The following KLF12 variants were observed in gnomAD, a reference collection of about 807,000 sequenced individuals.
KLF12 encodes Krueppel-like factor 12.
Under a neutral mutation model 37.8 loss-of-function variants are expected in KLF12, and 9 were observed. The observed-to-expected ratio is 0.24, with a 90% confidence interval of 0.14 to 0.42. The LOEUF (loss-of-function observed/expected upper bound fraction) is 0.42. Among genes scored for constraint, KLF12 ranks in the 10% least tolerant of loss-of-function variants. The pLI, the probability that KLF12 is intolerant of heterozygous loss-of-function variation, is 1.00. For missense variants in KLF12, 411 were observed against 516.0 expected, an observed-to-expected ratio of 0.80 and a Z score of 1.97; for synonymous variants, 208 against 202.1, an observed-to-expected ratio of 1.03 and a Z score of -0.25.
the KLF12 span, among the ~76,000 whole-genome samples, chr13:74,174,313 T>C: frequency 6.6e-6 from 1 of 150,966 alleles, no homozygotes; most frequent in Non-Finnish European, 1.5e-5. Context: ...GTCTTAGTCC[T>C]TTTTTTTTCT....
the KLF12 span, among the ~76,000 whole-genome samples, chr13:74,220,265 G>T: frequency 1.3e-5 from 2 of 151,936 alleles, no homozygotes; most frequent in Non-Finnish European, 2.9e-5. Context: ...TTACTTCATC[G>T]GATTTTCACA....
intron 1 of KLF12, among the ~76,000 whole-genome samples, chr13:74,037,631 A>G (rs1893290114): frequency 6.6e-6 from 1 of 152,142 alleles, no homozygotes. Flanking sequence ...AACTTGATAC[A>G]TTTTCTGGAT....
At chr13:73,942,816 G>A (rs1008605697) in intron 3 of KLF12, among the ~76,000 whole-genome samples, 2 of 152,144 alleles carry the variant, frequency 1.3e-5, no homozygotes, top group Non-Finnish European at 2.9e-5. Context: ...GAGGTGAAAT[G>A]ACATCCTCTA....
intron 3 of KLF12, among the ~76,000 whole-genome samples, chr13:73,890,587 G>T (rs923966647): frequency 1.3e-5 from 2 of 151,970 alleles, no homozygotes; most frequent in East Asian, 3.9e-4. Context: ...TTACTATGTT[G>T]TTAAAGTTTA....
chr13:74,042,685 C>T (rs1893439740), intron 1 of KLF12, among the ~76,000 whole-genome samples: 1 of 151,968 alleles, frequency 6.6e-6, no homozygotes, highest in Non-Finnish European at 1.5e-5. Flanking sequence ...TAAGTATGTC[C>T]AAAAGGGTAA....
chr13:74,067,414 C>T (rs1873978750), intron 1 of KLF12, among the ~76,000 whole-genome samples: 1 of 152,154 alleles, frequency 6.6e-6, no homozygotes, highest in Non-Finnish European at 1.5e-5. Flanking sequence ...TTAGATATAA[C>T]AAAAGCAAAG....
At chr13:73,987,108 T>G (rs1005443513) in intron 2 of KLF12, among the ~76,000 whole-genome samples, 1 of 152,156 alleles carries the variant, frequency 6.6e-6, no homozygotes, top group Non-Finnish European at 1.5e-5. Flanking sequence ...ATTCTTAAAT[T>G]GGAATTTTGA....
At chr13:73,775,951 A>G (rs1272307757) in intron 5 of KLF12, among the ~76,000 whole-genome samples, 1 of 152,218 alleles carries the variant, frequency 6.6e-6, no homozygotes, top group Non-Finnish European at 1.5e-5. Flanking sequence ...CTTTGAATAG[A>G]ACAAAATTTT....
At chr13:73,991,313 C>T (rs1469441203) in intron 2 of KLF12, among the ~76,000 whole-genome samples, 1 of 152,176 alleles carries the variant, frequency 6.6e-6, no homozygotes, top group African/African-American at 2.4e-5. Flanking sequence ...CTCAACATAA[C>T]ACTAATGCAG....
At chr13:74,103,648 G>A (rs1356180054) in intron 1 of KLF12, among the ~76,000 whole-genome samples, 1 of 152,124 alleles carries the variant, frequency 6.6e-6, no homozygotes, top group Non-Finnish European at 1.5e-5. Flanking sequence ...CTTTTTGAGG[G>A]AAAAACATAA....
At chr13:74,260,273 G>A in the KLF12 span, among the ~76,000 whole-genome samples, 12 of 152,088 alleles carry the variant, frequency 7.9e-5, 1 homozygote, top group South Asian at 2.1e-3. Flanking sequence ...AGAGTAAATC[G>A]GGCAGGATAC....
At chr13:73,873,369 A>T (rs1339947534) in intron 3 of KLF12, among the ~76,000 whole-genome samples, 1 of 152,186 alleles carries the variant, frequency 6.6e-6, no homozygotes, top group Non-Finnish European at 1.5e-5. Context: ...TTGAGATTTC[A>T]ATCATTTCAT....
chr13:74,156,648 G>A, the KLF12 span, among the ~76,000 whole-genome samples: 1 of 147,398 alleles, frequency 6.8e-6, no homozygotes, highest in Admixed American at 6.9e-5. Flanking sequence ...CCAATGTCTG[G>A]TAACAATCCT....
rs55925803 is a variant in KLF12, at chr13:73,825,615, T to C, written c.671-12328A>G. ...TCTTGGCCTTTGCCAGGCAAATTTCTGATAAATTGCATGGTGCTTGAGGTT... is the reference window on the plus strand; with the variant it reads ...TCTTGGCCTTTGCCAGGCAAATTTCCGATAAATTGCATGGTGCTTGAGGTT... On this transcript the variant is annotated intron_variant, in intron 4 of 7. Coordinates refer to ENST00000377669, the MANE Select transcript of KLF12 (RefSeq NM_007249.5). Among the ~76,000 whole-genome samples the C allele has an allele frequency of 1.1e-3, 165 of 152,368 alleles. 2 individuals carry two copies. Among genetic ancestry groups the C allele is most frequent in the African/African-American group, 3.5e-3 (146 of 41,582 alleles).
intron 1 of KLF12, among the ~76,000 whole-genome samples, chr13:74,020,429 G>A (rs1458736297): frequency 6.6e-6 from 1 of 152,178 alleles, no homozygotes; most frequent in Non-Finnish European, 1.5e-5. Context: ...GCACGAATAG[G>A]AAGCTTGACA....
chr13:74,283,320 A>G, the KLF12 span, among the ~76,000 whole-genome samples: 1 of 152,354 alleles, frequency 6.6e-6, no homozygotes, highest in Non-Finnish European at 1.5e-5. Context: ...TAAAAATACT[A>G]GGAAGACATT....
chr13:74,036,774 A>C (rs150614313), intron 1 of KLF12, among the ~76,000 whole-genome samples: 142 of 152,370 alleles, frequency 9.3e-4, no homozygotes, highest in African/African-American at 3.4e-3. Context: ...AATGTGAAAG[A>C]ATAAGACAGG....
intron 2 of KLF12, among the ~76,000 whole-genome samples, chr13:73,992,342 T>G (rs1365900088): frequency 1.3e-5 from 2 of 152,130 alleles, no homozygotes; most frequent in African/African-American, 4.8e-5. Context: ...TTTTTAGAAT[T>G]TATTTGTCGT....
the KLF12 span, among the ~76,000 whole-genome samples, chr13:74,238,239 C>T: frequency 7.7e-6 from 1 of 130,054 alleles, no homozygotes; most frequent in Non-Finnish European, 1.5e-5. Context: ...TGCTGGATTA[C>T]ATTTATTGAT....
Sources: gnomAD v4.1 joint callset for allele counts (sites outside exome capture counted in the v4.1 genomes callset) on GRCh38, gnomAD v4.1.1 for gene constraint, MANE v1.5 for transcripts, NCBI Gene and HGNC (gene_info 2026-07-23, HGNC 2026-07-21) for gene names.